The following GLIS3 variants were observed in gnomAD, a reference collection of about 807,000 sequenced individuals.
GLIS3 encodes GLIS family zinc finger 3.
A neutral mutation model predicts 78.6 loss-of-function variants in GLIS3; 53 were observed. The ratio of observed to expected loss-of-function variants is 0.67; its 90% CI spans 0.54 to 0.85. The LOEUF is 0.85. Ranked by LOEUF, GLIS3 falls within the 40% of genes least tolerant of loss-of-function variation. The pLI is 0.00. For missense variants in GLIS3, 1,703 were observed against 1,231.1 expected, an observed-to-expected ratio of 1.38 and a Z score of -5.74; for synonymous variants, 684 against 509.9, an observed-to-expected ratio of 1.34 and a Z score of -4.60.
In GLIS3 at chr9:3,828,344, A is replaced by T. The variant is rs369030958; in HGVS notation, c.2721T>A (p.Asp907Glu). Residue 907 changes from aspartate to glutamate, a missense_variant, in exon 11 of 11, where the codon GAT becomes GAA. Transcript: ENST00000381971. ...FGESLRSGAEDATFLQISTVD... is the reference protein window; with the variant it reads ...FGESLRSGAEEATFLQISTVD... ...CGGTGCTGATCTGCAAGAAGGTAGC[A>T]TCTTCAGCCCCGCTGCGGAGAGACT... The T allele has an allele frequency of 6.2e-7, 1 of 1,614,050 alleles. No individual in the cohort carries two copies. The highest frequency in any genetic ancestry group is 8.5e-7 in the Non-Finnish European group (1 of 1,180,018).
intron 2 of GLIS3, among the ~76,000 whole-genome samples, chr9:4,225,308 T>G (rs1587042746): frequency 6.6e-6 from 1 of 152,230 alleles, no homozygotes; most frequent in East Asian, 1.9e-4. Flanking sequence ...GTTGATTTTC[T>G]AAGTAGTATA....
chr9:3,927,127 G>A (rs1563858365), intron 6 of GLIS3, among the ~76,000 whole-genome samples: 1 of 152,146 alleles, frequency 6.6e-6, no homozygotes, highest in Non-Finnish European at 1.5e-5. Context: ...TGAAGATAAT[G>A]TAAATCTATG....
At chr9:4,023,402 G>C (rs944246525) in intron 4 of GLIS3, among the ~76,000 whole-genome samples, 2 of 152,144 alleles carry the variant, frequency 1.3e-5, no homozygotes, top group African/African-American at 2.4e-5. Context: ...ACAATCTAGA[G>C]TGAGCCTGCT....
Position 4,165,801 on chromosome 9 carries a change from T to C in GLIS3, c.389-39860A>G, listed in dbSNP as rs191669684. 4.0e-3 allele frequency among the ~76,000 whole-genome samples: 602 copies of C among 152,274 alleles called. 4 individuals are homozygous for C. Among genetic ancestry groups the C allele is most frequent in the African/African-American group, 0.014 (585 of 41,542 alleles). On this transcript the variant is annotated intron_variant, in intron 2 of 10. Coordinates refer to ENST00000381971, the MANE Select transcript of GLIS3 (RefSeq NM_001042413.2). ...GTTTCTGGGGATAACAATAAGATAG[T>C]CTTCAATTGGGTGAGATTGCTCAGG...
At chr9:3,972,438 T>C (rs902727280) in intron 4 of GLIS3, among the ~76,000 whole-genome samples, 6 of 152,306 alleles carry the variant, frequency 3.9e-5, no homozygotes, top group Non-Finnish European at 8.8e-5. Context: ...AAAGGCCCTG[T>C]GTTACAGATA....
At chr9:4,367,145 C>T in the GLIS3 span, among the ~76,000 whole-genome samples, 14 of 152,382 alleles carry the variant, frequency 9.2e-5, no homozygotes, top group South Asian at 4.1e-4. Flanking sequence ...TGATCCTCCA[C>T]TGCCTTTGAA....
chr9:3,878,701 G>C (rs902031445), intron 8 of GLIS3: 2 of 152,520 alleles, frequency 1.3e-5, no homozygotes, highest in African/African-American at 4.8e-5. Flanking sequence ...GGACAGCTCG[G>C]AGAGGACTGA....
intron 2 of GLIS3, among the ~76,000 whole-genome samples, chr9:4,335,098 C>T (rs550145998): frequency 2.0e-3 from 311 of 151,924 alleles, no homozygotes; most frequent in South Asian, 0.01. Flanking sequence ...TTAGTGGAGA[C>T]GAGGTTTCAC....
At chr9:3,865,595 C>A (rs1203389338) in intron 8 of GLIS3, among the ~76,000 whole-genome samples, 1 of 152,168 alleles carries the variant, frequency 6.6e-6, no homozygotes, top group East Asian at 1.9e-4. Context: ...TTGCTTCATG[C>A]TATTGTAATA....
At chr9:3,879,641 C>A (rs780225063) in intron 7 of GLIS3, 46 bp from the exon 8 acceptor site, 1 of 1,605,996 alleles carries the variant, frequency 6.2e-7, no homozygotes, top group Non-Finnish European at 8.5e-7. Context: ...CCAAAGGAAG[C>A]CCACGTTTTT....
At chr9:4,292,592 G>T (rs1389350574) in intron 1 of GLIS3, among the ~76,000 whole-genome samples, 3 of 152,258 alleles carry the variant, frequency 2.0e-5, no homozygotes, top group South Asian at 2.1e-4. Flanking sequence ...TAAAACGTAA[G>T]GATTCAATGA....
intron 7 of GLIS3, among the ~76,000 whole-genome samples, chr9:3,890,580 T>G (rs1193545547): frequency 6.6e-6 from 1 of 152,170 alleles, no homozygotes; most frequent in Non-Finnish European, 1.5e-5. Flanking sequence ...GTTATCTCAT[T>G]TAGTTCTCAT....
chr9:4,117,697 G>C, intron 4 of GLIS3, 71 bp downstream of exon 4: 11 of 1,585,422 alleles, frequency 6.9e-6, no homozygotes, highest in Non-Finnish European at 8.7e-6. Flanking sequence ...GGCCGAGTTA[G>C]GAAAAAACAC....
intron 7 of GLIS3, among the ~76,000 whole-genome samples, chr9:3,897,946 C>CT (rs563822601): frequency 8.0e-4 from 122 of 152,248 alleles, no homozygotes; most frequent in African/African-American, 2.9e-3. Flanking sequence ...GCTGGTAAAT[C>CT]TTTTTTCTCA....
At chr9:4,008,641 G>T (rs956876071) in intron 4 of GLIS3, among the ~76,000 whole-genome samples, 15 of 152,098 alleles carry the variant, frequency 9.9e-5, no homozygotes, top group African/African-American at 3.6e-4. Flanking sequence ...TCCCCACCTA[G>T]ACTGTGAGCA....
the GLIS3 span, among the ~76,000 whole-genome samples, chr9:4,379,450 C>T: frequency 6.6e-6 from 1 of 152,228 alleles, no homozygotes; most frequent in Non-Finnish European, 1.5e-5. Context: ...GATTTTTCAG[C>T]CCTTTTGGAA....
chr9:3,921,801 AAAGAC>A (rs1187619744), intron 6 of GLIS3, among the ~76,000 whole-genome samples: 1 of 152,146 alleles, frequency 6.6e-6, no homozygotes, highest in African/African-American at 2.4e-5. Flanking sequence ...TAAAATAAGA[AAAGAC>A]AACAGATAAT....
At chr9:4,423,628 T>C in the GLIS3 span, among the ~76,000 whole-genome samples, 1 of 152,172 alleles carries the variant, frequency 6.6e-6, no homozygotes. Flanking sequence ...CAATAATTTC[T>C]AGAGGATATC....
chr9:4,072,544 A>G (rs1328331866), intron 4 of GLIS3, among the ~76,000 whole-genome samples: 3 of 152,056 alleles, frequency 2.0e-5, no homozygotes, highest in African/African-American at 7.2e-5. Context: ...TTCCAGCAAC[A>G]TTTAAAAATA....
Sources: gnomAD v4.1 joint callset for allele counts (sites outside exome capture counted in the v4.1 genomes callset) on GRCh38, gnomAD v4.1.1 for gene constraint, MANE v1.5 for transcripts, NCBI Gene and HGNC (gene_info 2026-07-23, HGNC 2026-07-21) for gene names.